The following SV2B variants were observed in gnomAD, a reference collection of about 807,000 sequenced individuals.
SV2B encodes synaptic vesicle glycoprotein 2B.
A neutral mutation model predicts 73.9 loss-of-function variants in SV2B; 41 were observed. That is an observed-to-expected ratio of 0.56 (90% CI 0.43 to 0.72). SV2B has a LOEUF of 0.72. SV2B is among the 30% of genes least tolerant of loss of function. SV2B has a pLI of 0.00. For synonymous variants in SV2B, 314 were observed against 314.2 expected (o/e 1.00, Z 0.01); for missense variants, 764 against 857.8 (o/e 0.89, Z 1.37).
chr15:91,163,761 A>C (rs2043810861), intron 1 of SV2B, among the ~76,000 whole-genome samples: 1 of 152,100 alleles, frequency 6.6e-6, no homozygotes, highest in Non-Finnish European at 1.5e-5. Context: ...GAAGCTCTTT[A>C]GTTTAATTAG....
intron 1 of SV2B, among the ~76,000 whole-genome samples, chr15:91,108,026 A>T (rs551148189): frequency 6.6e-6 from 1 of 152,158 alleles, no homozygotes; most frequent in Non-Finnish European, 1.5e-5. Flanking sequence ...GGTGATGATG[A>T]TGATGATAGT....
At chr15:91,207,470 T>A (rs1306449711) in intron 1 of SV2B, among the ~76,000 whole-genome samples, 3 of 152,164 alleles carry the variant, frequency 2.0e-5, no homozygotes, top group African/African-American at 7.2e-5. Flanking sequence ...GTGTGTGTGG[T>A]CTGTGTGGTC....
intron 1 of SV2B, among the ~76,000 whole-genome samples, chr15:91,193,750 G>C (rs1373435546): frequency 6.6e-6 from 1 of 152,118 alleles, no homozygotes; most frequent in African/African-American, 2.4e-5. Flanking sequence ...CAAGTGAAGT[G>C]CTTATAAAAT....
chr15:91,126,652 A>G (rs1280331965), intron 1 of SV2B, among the ~76,000 whole-genome samples: 1 of 152,252 alleles, frequency 6.6e-6, no homozygotes, highest in Non-Finnish European at 1.5e-5. Context: ...GAAAATGATT[A>G]TACACCATGA....
chr15:91,171,316 T>C (rs2044114621), intron 1 of SV2B, among the ~76,000 whole-genome samples: 1 of 152,240 alleles, frequency 6.6e-6, no homozygotes. Flanking sequence ...GTTAAGATTA[T>C]TAAATCAGTT....
intron 1 of SV2B, among the ~76,000 whole-genome samples, chr15:91,212,978 T>TAA (rs34863204): frequency 0.04 from 5,018 of 127,032 alleles, 337 homozygotes; most frequent in African/African-American, 0.13. Flanking sequence ...CTGTCTCTAC[T>TAA]AAAAAAAAAA....
chr15:91,221,352 A>G (rs1486499671), intron 1 of SV2B, among the ~76,000 whole-genome samples: 1 of 152,178 alleles, frequency 6.6e-6, no homozygotes, highest in Non-Finnish European at 1.5e-5. Flanking sequence ...GCACGCAGGT[A>G]GTAGATGTGG....
At chr15:91,228,649 T>C (rs2141498461) in intron 2 of SV2B, among the ~76,000 whole-genome samples, 1 of 152,354 alleles carries the variant, frequency 6.6e-6, no homozygotes, top group Non-Finnish European at 1.5e-5. Context: ...CTAGGGCAAA[T>C]GCTGGGAGTT....
At chr15:91,112,556 G>A (rs759269864) in intron 1 of SV2B, among the ~76,000 whole-genome samples, 18 of 152,184 alleles carry the variant, frequency 1.2e-4, no homozygotes, top group Non-Finnish European at 2.2e-4. Context: ...CAAATGGAGT[G>A]GAAAGTTCTG....
rs1172432133 is a variant in SV2B at position 91,302,352 on chromosome 15, C to T, written c.*9800C>T. Among the ~76,000 whole-genome samples the T allele has an allele frequency of 6.6e-6, 1 of 152,088 alleles. No individual in the cohort carries two copies. Among genetic ancestry groups the T allele is most frequent in the Non-Finnish European group, 1.5e-5 (1 of 68,018 alleles). On this transcript the variant is annotated 3_prime_UTR_variant, in exon 13 of 13. Transcript: ENST00000394232. ...TGCTGAGCTTTAAAACTTTAGTAAC[C>T]TGATGATGGAGAGATCTGGGGGGTG...
At chr15:91,178,762 G>T (rs1320654800) in intron 1 of SV2B, among the ~76,000 whole-genome samples, 1 of 148,826 alleles carries the variant, frequency 6.7e-6, no homozygotes, top group Non-Finnish European at 1.5e-5. Context: ...TTTTTATTGT[G>T]TCTATTTGAT....
In SV2B at chr15:91,302,110, T is replaced by A. The variant is rs1341149139; in HGVS notation, c.*9558T>A. ...AGGATCCCACAAGACTGTGACCTAA[T>A]AAAACCCTCATTTTCCCTATGCATT... On this transcript the variant is annotated 3_prime_UTR_variant, in exon 13 of 13. Coordinates refer to ENST00000394232, the MANE Select transcript of SV2B (RefSeq NM_001323032.3). 6.6e-6 allele frequency among the ~76,000 whole-genome samples: 1 copy of A among 152,212 alleles called. No individual in the cohort carries two copies. Among genetic ancestry groups the A allele is most frequent in the Admixed American group, 6.5e-5 (1 of 15,288 alleles).
At chr15:91,237,735 T>C (rs950025074) in intron 2 of SV2B, among the ~76,000 whole-genome samples, 1 of 151,572 alleles carries the variant, frequency 6.6e-6, no homozygotes, top group Non-Finnish European at 1.5e-5. Context: ...TTTTTGCTTA[T>C]CGAGCTGTAT....
At chr15:91,145,678 C>G (rs574044905) in intron 1 of SV2B, among the ~76,000 whole-genome samples, 1 of 152,188 alleles carries the variant, frequency 6.6e-6, no homozygotes, top group South Asian at 2.1e-4. Context: ...TAGTAATAGC[C>G]ATTCTGACTG....
rs1206655511 is a variant in SV2B, at chr15:91,122,383, C to A, written c.-392+22020C>A. On this transcript the variant is annotated intron_variant, in intron 1 of 12. Coordinates refer to ENST00000394232, the MANE Select transcript of SV2B (RefSeq NM_001323032.3). The surrounding 1 kb of genome is among the most constrained non-coding windows in gnomAD (Gnocchi z 4.3). ...CTCCCTGGGGAAACAGTCTAGAAAG[C>A]AGGAATGGCTGGGGTTGATTTCCCT... is the stretch of plus-strand genomic sequence containing the variant. 6.6e-6 allele frequency among the ~76,000 whole-genome samples: 1 copy of A among 152,200 alleles called. No homozygotes were observed. Among genetic ancestry groups the A allele is most frequent in the Non-Finnish European group, 1.5e-5 (1 of 68,036 alleles).
chr15:91,224,093 C>T lies in SV2B; in HGVS notation c.-391-1780C>T, dbSNP rs1272477805. ...ATGGGTTTCAGTGCTGGAGTCTGTC[C>T]AGGGCTGAAGACCAGGAGGGCCAGG... On this transcript the variant is annotated intron_variant, in intron 1 of 12. Transcript: ENST00000394232. This position sits in a 1 kb window ranked among gnomAD's most constrained non-coding sequence, Gnocchi z 4.9. Among the ~76,000 whole-genome samples, 1 of 152,182 alleles carries T rather than the reference C, an allele frequency of 6.6e-6. No individual in the cohort carries two copies.
intron 6 of SV2B, among the ~76,000 whole-genome samples, chr15:91,262,713 C>T (rs1219879017): frequency 6.6e-6 from 1 of 152,128 alleles, no homozygotes; most frequent in African/African-American, 2.4e-5. Context: ...ACATGTACTG[C>T]AAACATTTAT....
chr15:91,107,117 TG>T (rs2151720710), intron 1 of SV2B, among the ~76,000 whole-genome samples: 1 of 151,952 alleles, frequency 6.6e-6, no homozygotes, highest in South Asian at 2.1e-4. Flanking sequence ...AGATGGAGAA[TG>T]TGCCAGTGGC....
rs901759480 is a variant in SV2B, at chr15:91,236,773, G to T, written c.451+10059G>T. ...GCCCCTATTCCACTTGACATTACCT[G>T]GGGCAGCTGGAAGGTGGGGGCTGGA... is the stretch of plus-strand genomic sequence containing the variant. On this transcript the variant is annotated intron_variant, in intron 2 of 12. Coordinates refer to ENST00000394232, the MANE Select transcript of SV2B (RefSeq NM_001323032.3). The surrounding 1 kb of genome is among the most constrained non-coding windows in gnomAD (Gnocchi z 4.1). Among the ~76,000 whole-genome samples, 1 of 152,054 alleles carries T rather than the reference G, an allele frequency of 6.6e-6. No individual in the cohort carries two copies. The highest frequency in any genetic ancestry group is 1.5e-5 in the Non-Finnish European group (1 of 67,994).
Sources: gnomAD v4.1 joint callset for allele counts (sites outside exome capture counted in the v4.1 genomes callset) on GRCh38, gnomAD v4.1.1 for gene constraint, Gnocchi (gnomAD v3.1) non-coding constraint, MANE v1.5 for transcripts, NCBI Gene and HGNC (gene_info 2026-07-23, HGNC 2026-07-21) for gene names.